CDK20: variants seen among roughly 807,000 people sequenced by gnomAD.
CDK20 encodes cyclin-dependent kinase 20.
CDK20 carries 40 observed loss-of-function variants against 38.6 expected under a neutral mutation model. The observed-to-expected ratio is 1.04, with a 90% CI of 0.81 to 1.35. The LOEUF (loss-of-function observed/expected upper bound fraction) is 1.35, where lower values mean the gene tolerates loss of function less well. Among genes scored for constraint, CDK20 ranks in the 40% most tolerant of loss-of-function variants. The probability of loss-of-function intolerance (pLI) is 0.00; values close to 1 mark genes in which losing one functional copy is unlikely to be tolerated. For synonymous variants in CDK20, 209 were observed against 185.7 expected (o/e 1.13, Z -1.02); for missense variants, 512 against 452.6 (o/e 1.13, Z -1.19).
chr9:87,967,187 C>G lies in CDK20; in HGVS notation c.*275G>C. 1.5e-6 allele frequency: 1 copy of G among 674,536 alleles called. No individual in the cohort carries two copies. Among genetic ancestry groups the G allele is most frequent in the South Asian group, 1.4e-5 (1 of 71,530 alleles). 41.8% of individuals were successfully genotyped at this position (674,536 alleles called of 1,614,324 possible). On this transcript the variant is annotated 3_prime_UTR_variant, in exon 8 of 8. Coordinates refer to ENST00000325303, the MANE Select transcript of CDK20 (RefSeq NM_001039803.3). ...GCAGGCCTTGACTGGCAGCAGAGCT[C>G]ACTGTCCTGATGGGTACGTCAGTAG...
intron 4 of CDK20, 41 bp from the exon 5 acceptor site, chr9:87,970,671 G>C: frequency 6.2e-7 from 1 of 1,613,652 alleles, no homozygotes; most frequent in Non-Finnish European, 8.5e-7. Context: ...CTGAGAAAAG[G>C]ATGCCTGGGG....
At chr9:87,973,360 G>A (rs1266598329) in intron 2 of CDK20, among the ~76,000 whole-genome samples, 1 of 152,150 alleles carries the variant, frequency 6.6e-6, no homozygotes, top group African/African-American at 2.4e-5. Context: ...AGCTGGGCTG[G>A]AGCTGGTTTC....
At position 87,967,465 on chromosome 9, in the gene CDK20, C is replaced by A. The variant is rs144686198; in HGVS notation, c.1038G>T (p.Gly346=). The change falls in exon 8 of 8, where the codon GGG becomes GGT. Residue 346 remains glycine, a synonymous_variant. Coordinates refer to ENST00000325303, the MANE Select transcript of CDK20 (RefSeq NM_001039803.3). ...AGACGGGACCAGGGCCAACTTCTCA[C>A]CCCTCCAGGATGAAGGGCCGAATCA... ...PELIRPFILE[G] is the part of the protein sequence containing the mutation. The A allele has an allele frequency of 2.6e-6, 4 of 1,553,716 alleles. No homozygotes were observed. In the Admixed American group the frequency reaches 7.8e-5, roughly 30 times the overall value.
chr9:87,967,051 C>T lies in CDK20; in HGVS notation c.*411G>A, dbSNP rs939485. 2 of 527,552 alleles carry T rather than the reference C, an allele frequency of 3.8e-6. No homozygotes were observed. Among genetic ancestry groups the T allele is most frequent in the South Asian group, 2.8e-5 (2 of 71,430 alleles). 32.7% of individuals were successfully genotyped at this position (527,552 alleles called of 1,614,324 possible). On this transcript the variant is annotated 3_prime_UTR_variant, in exon 8 of 8. Transcript: ENST00000325303. ...TGAGAATAAAACCAAACCAAATCTT[C>T]CTTCCACTTGAGTTTCCAACATAAG...
chr9:87,972,984 G>A (rs1451360231), intron 2 of CDK20, among the ~76,000 whole-genome samples: 1 of 152,178 alleles, frequency 6.6e-6, no homozygotes, highest in Non-Finnish European at 1.5e-5. Flanking sequence ...AAATCCTACA[G>A]TCAATCTTAG....
At position 87,970,762 on chromosome 9, in the gene CDK20, C is replaced by G. The variant is rs1369889817; in HGVS notation, c.500+14G>C. ...CCCCATGGAGAAGACTGGAAGGGAT[C>G]TGGCCCTCCCTACCTGGTGGCCACC... On this transcript the variant is annotated intron_variant, in intron 4 of 7. Coordinates refer to ENST00000325303, the MANE Select transcript of CDK20 (RefSeq NM_001039803.3). 6.2e-7 allele frequency: 1 copy of G among 1,613,968 alleles called. No individual in the cohort carries two copies. The highest frequency in any genetic ancestry group is 1.3e-5 in the African/African-American group (1 of 74,914).
intron 1 of CDK20, 81 bp from the exon 2 acceptor site, chr9:87,974,116 A>G (rs553394503): frequency 4.4e-6 from 7 of 1,600,682 alleles, no homozygotes; most frequent in Non-Finnish European, 6.0e-6. Flanking sequence ...AAGGTGGTTG[A>G]GAGAGAGACA....
Position 87,970,826 on chromosome 9 carries a change from TCGA to T in CDK20, c.447_449del (p.Arg150del). On this transcript the variant is annotated inframe_deletion, in exon 4 of 8. Coordinates refer to ENST00000325303, the MANE Select transcript of CDK20 (RefSeq NM_001039803.3). ...GGCGGCTGCCGTCTGGGGAAAAGACTCGAGCCAGGCCAAAGTCCGCTATCTTGA... is the reference window on the plus strand; with the variant it reads ...GGCGGCTGCCGTCTGGGGAAAAGACTGCCAGGCCAAAGTCCGCTATCTTGA... 1.2e-6 allele frequency: 2 copies of T among 1,613,962 alleles called. No homozygotes were observed. The highest frequency in any genetic ancestry group is 2.2e-5 in the South Asian group (2 of 91,066).
At chr9:87,969,159 G>C in intron 7 of CDK20, 35 bp downstream of exon 7, 1 of 1,607,820 alleles carries the variant, frequency 6.2e-7, no homozygotes, top group Non-Finnish European at 8.5e-7. Context: ...GGGGAGGGGA[G>C]CTGAAGGAGC....
At chr9:87,971,916 C>A (rs918823066) in intron 2 of CDK20, among the ~76,000 whole-genome samples, 1 of 152,158 alleles carries the variant, frequency 6.6e-6, no homozygotes, top group Non-Finnish European at 1.5e-5. Context: ...AACCAAAATA[C>A]AAGGGGGCTG....
rs1160130589 is a variant in CDK20 at position 87,966,698 on chromosome 9, C to T, written c.*764G>A. On this transcript the variant is annotated 3_prime_UTR_variant, in exon 8 of 8. Coordinates refer to ENST00000325303, the MANE Select transcript of CDK20 (RefSeq NM_001039803.3). Reference sequence around the variant, plus strand: ...TACACAGCTGCTTCTGGCTCACGCTCATCCTGAGGGAGTAGATGTTGGTAA... The same window carrying T: ...TACACAGCTGCTTCTGGCTCACGCTTATCCTGAGGGAGTAGATGTTGGTAA... The T allele has an allele frequency of 2.3e-5, 5 of 217,474 alleles. No individual in the cohort carries two copies. The highest frequency in any genetic ancestry group is 4.7e-5 in the Non-Finnish European group (5 of 106,816). 13.5% of individuals were successfully genotyped at this position (217,474 alleles called of 1,614,324 possible).
intron 5 of CDK20, 50 bp downstream of exon 5, chr9:87,970,518 G>C: frequency 1.3e-6 from 2 of 1,545,416 alleles, no homozygotes; most frequent in Non-Finnish European, 1.8e-6. Context: ...TCAGAGCCTA[G>C]CAGAAATCCA....
chr9:87,974,359 G>A lies in CDK20; in HGVS notation c.75+13C>T, dbSNP rs890285430. 46 of 1,610,316 alleles carry A rather than the reference G, an allele frequency of 2.9e-5. No individual in the cohort carries two copies. The highest frequency in any genetic ancestry group is 8.9e-5 in the East Asian group (4 of 44,848). On this transcript the variant is annotated intron_variant, in intron 1 of 7. Transcript: ENST00000325303. ...ACACCCCCGCCAGGCTGCCGGCCGC[G>A]GTCCAGCCTCACCTCCACGTGCTTG...
chr9:87,974,331 G>T, intron 1 of CDK20, 41 bp downstream of exon 1: 1 of 1,593,168 alleles, frequency 6.3e-7, no homozygotes, highest in Non-Finnish European at 8.6e-7. Flanking sequence ...GGGTGGCGGG[G>T]GCACACCCCC....
At position 87,969,302 on chromosome 9, in the gene CDK20, C is replaced by G; in HGVS notation, c.735G>C (p.Gln245His). 6.2e-7 allele frequency: 1 copy of G among 1,614,076 alleles called. No individual in the cohort carries two copies. The highest frequency in any genetic ancestry group is 8.5e-7 in the Non-Finnish European group (1 of 1,179,976). ...GCACCTCCTCCAGGGGCATGGGCAC[C>G]TGCTCCTTAAAGGAGATCTTGTTGT... Reference protein sequence around the residue: ...PDYNKISFKEQVPMPLEEVLP... With the variant: ...PDYNKISFKEHVPMPLEEVLP... The change falls in exon 7 of 8, where the codon CAG (glutamine) becomes CAC (histidine). Residue 245 changes from glutamine (Q) to histidine (H), a missense_variant. Gln to His is a conservative substitution (Grantham distance 24). Transcript: ENST00000325303.
chr9:87,973,879 G>A (rs765925897), intron 2 of CDK20, 43 bp downstream of exon 2: 3 of 1,587,214 alleles, frequency 1.9e-6, no homozygotes, highest in Non-Finnish European at 2.6e-6. Flanking sequence ...GTGGGAACGA[G>A]CGACTGAGGG....
At chr9:87,967,877 G>T (rs998606770) in intron 7 of CDK20, 1 of 512,506 alleles carries the variant, frequency 2.0e-6, no homozygotes, top group Admixed American at 3.5e-5. Context: ...GAGGGTGGGG[G>T]GTAATAAACA....
rs753789202 is a variant in CDK20, at chr9:87,969,483, A to ATCAT, written c.688-138_688-135dup. 210 of 998,452 alleles carry ATCAT rather than the reference A, an allele frequency of 2.1e-4. 1 individual carries two copies. The highest frequency in any genetic ancestry group is 2.8e-4 in the Non-Finnish European group (192 of 680,192). The allele number at this position is 998,452 out of a possible 1,614,324, so 61.8% of individuals were successfully genotyped here. A position where few individuals can be genotyped will look rare whatever the true frequency, so the allele number is the denominator to read the frequency against. ...TCCCATCCATGTGTCTCCCTGACCCATCATTCATTCACTCACCCACCCCTG... is the reference window on the plus strand; with the variant it reads ...TCCCATCCATGTGTCTCCCTGACCCATCATTCATTCATTCACTCACCCACCCCTG... On this transcript the variant is annotated intron_variant, in intron 6 of 7. Coordinates refer to ENST00000325303, the MANE Select transcript of CDK20 (RefSeq NM_001039803.3).
chr9:87,973,721 GAAAT>G (rs770914863), intron 2 of CDK20, among the ~76,000 whole-genome samples, 197 bp downstream of exon 2: 10 of 152,248 alleles, frequency 6.6e-5, no homozygotes, highest in Non-Finnish European at 1.3e-4. Context: ...AGAAATGAAA[GAAAT>G]AGGTAAATAA....
Sources: gnomAD v4.1 joint callset for allele counts (sites outside exome capture counted in the v4.1 genomes callset) on GRCh38, gnomAD v4.1.1 for gene constraint, MANE v1.5 for transcripts, NCBI Gene and HGNC (gene_info 2026-07-23, HGNC 2026-07-21) for gene names.